Variants in YAP1 observed in about 807,000 individuals in gnomAD.
The protein encoded by YAP1 is Yes1 associated transcriptional regulator, also known as transcriptional coactivator YAP1.
In YAP1, 5 loss-of-function variants were observed where a neutral mutation model predicts 56.9. The ratio of observed to expected loss-of-function variants is 0.09; its 90% confidence interval spans 0.05 to 0.18. The LOEUF (loss-of-function observed/expected upper bound fraction) is 0.18, where lower values mean the gene tolerates loss of function less well. Ranked by LOEUF, YAP1 falls within the 10% of genes least tolerant of loss-of-function variation. YAP1 has a pLI of 1.00. For missense variants in YAP1, 539 were observed against 651.8 expected, an observed-to-expected ratio of 0.83 and a Z score of 1.88; for synonymous variants, 265 against 248.1, an observed-to-expected ratio of 1.07 and a Z score of -0.64.
chr11:102,192,067 G>C (rs1054029964), intron 4 of YAP1, among the ~76,000 whole-genome samples: 3 of 152,186 alleles, frequency 2.0e-5, no homozygotes, highest in African/African-American at 7.2e-5. Context: ...TTGCCTCACC[G>C]ATCTCAGCTT....
chr11:102,229,353 T>C (rs1179660967), intron 8 of YAP1, among the ~76,000 whole-genome samples: 1 of 152,196 alleles, frequency 6.6e-6, no homozygotes, highest in African/African-American at 2.4e-5. Flanking sequence ...TGGTGGTGCT[T>C]ATCTGGAAGA....
intron 2 of YAP1, among the ~76,000 whole-genome samples, chr11:102,144,888 T>A (rs200370360): frequency 0.023 from 3,137 of 135,270 alleles, 127 homozygotes; most frequent in African/African-American, 0.081. Flanking sequence ...ATACACACAC[T>A]CATGCTCACA....
At chr11:102,169,423 T>G (rs1946782393) in intron 3 of YAP1, among the ~76,000 whole-genome samples, 1 of 152,170 alleles carries the variant, frequency 6.6e-6, no homozygotes, top group Non-Finnish European at 1.5e-5. Context: ...AGTAGTTGGT[T>G]CCTGATTCTT....
intron 3 of YAP1, among the ~76,000 whole-genome samples, chr11:102,176,764 AAAAAAAAAAAAAG>A (rs1168321219): frequency 1.4e-4 from 21 of 147,754 alleles, no homozygotes; most frequent in South Asian, 8.6e-4. Flanking sequence ...AAAAAAAAAA[AAAAAAAAAAAAAG>A]AGTAGAATTT....
At chr11:102,119,810 ACT>A (rs1488435371) in intron 2 of YAP1, among the ~76,000 whole-genome samples, 1 of 152,116 alleles carries the variant, frequency 6.6e-6, no homozygotes. Flanking sequence ...GGGGAGGTAA[ACT>A]CTAAACTGTT....
chr11:102,110,493 A>C lies in YAP1; in HGVS notation c.-356A>C. On this transcript the variant is annotated 5_prime_UTR_variant, in exon 1 of 9. Transcript: ENST00000282441. ...CCAGGGAAAAGAAAGGGAGGAAGGA[A>C]GGAACAAGAAAAGGAAATAAAGAGA... 6.3e-6 allele frequency: 1 copy of C among 158,466 alleles called. No individual in the cohort carries two copies. The highest frequency in any genetic ancestry group is 1.4e-5 in the Non-Finnish European group (1 of 72,170). 9.8% of individuals were successfully genotyped at this position (158,466 alleles called of 1,614,324 possible). A position where few individuals can be genotyped will look rare whatever the true frequency, so the allele number is the denominator to read the frequency against.
At chr11:102,123,398 T>C (rs1175296166) in intron 2 of YAP1, among the ~76,000 whole-genome samples, 1 of 152,168 alleles carries the variant, frequency 6.6e-6, no homozygotes, top group East Asian at 1.9e-4. Flanking sequence ...GGGGAGTTTC[T>C]GAATCACTCT....
At chr11:102,121,913 T>C (rs909475435) in intron 2 of YAP1, among the ~76,000 whole-genome samples, 6 of 152,296 alleles carry the variant, frequency 3.9e-5, no homozygotes, top group African/African-American at 1.4e-4. Context: ...TCCTCCCACC[T>C]GAGCCTCCTG....
intron 2 of YAP1, among the ~76,000 whole-genome samples, chr11:102,124,331 T>TG (rs1326874662): frequency 6.6e-6 from 1 of 152,166 alleles, no homozygotes; most frequent in South Asian, 2.1e-4. Flanking sequence ...TTCTTTATAT[T>TG]GGGGGTCTGA....
In YAP1 at chr11:102,231,486, A is replaced by G. The variant is rs1485259329; in HGVS notation, c.*1546A>G. The G allele has an allele frequency of 6.6e-6, 1 of 152,636 alleles. No homozygotes were observed. The highest frequency in any genetic ancestry group is 1.5e-5 in the Non-Finnish European group (1 of 68,026). The allele number at this position is 152,636 out of a possible 1,614,324, so 9.5% of individuals were successfully genotyped here. A position where few individuals can be genotyped will look rare whatever the true frequency, so the allele number is the denominator to read the frequency against. On this transcript the variant is annotated 3_prime_UTR_variant, in exon 9 of 9. Transcript: ENST00000282441. ...AGCTGGAAAAGTGATCAGATTAATA[A>G]ATGTATATTGGTAGTTGAATTTAGC...
At chr11:102,122,054 A>G (rs1159925464) in intron 2 of YAP1, among the ~76,000 whole-genome samples, 1 of 152,160 alleles carries the variant, frequency 6.6e-6, no homozygotes, top group African/African-American at 2.4e-5. Context: ...GGCATGAACC[A>G]CCACACCTGG....
chr11:102,214,891 T>C (rs1436211600), intron 6 of YAP1, among the ~76,000 whole-genome samples: 1 of 152,216 alleles, frequency 6.6e-6, no homozygotes, highest in Non-Finnish European at 1.5e-5. Context: ...CCTAGGATAA[T>C]GCTAGGGAAC....
chr11:102,183,858 C>T (rs990802172), intron 3 of YAP1, among the ~76,000 whole-genome samples: 1 of 151,894 alleles, frequency 6.6e-6, no homozygotes, highest in East Asian at 1.9e-4. Context: ...GGGCGGATCA[C>T]GAGGTCAGGA....
At chr11:102,183,141 G>C (rs1400312762) in intron 3 of YAP1, among the ~76,000 whole-genome samples, 1 of 152,196 alleles carries the variant, frequency 6.6e-6, no homozygotes, top group Non-Finnish European at 1.5e-5. Context: ...ACTAATTTCT[G>C]TCTGAGGTAG....
rs549689969 is a variant in YAP1, at chr11:102,137,945, T to G, written c.572+23551T>G. ...CTCTGTCGCCCAGGCTGGCGTGTTG[T>G]GGTGCTATCTCAGCTCACTGCAGCC... On this transcript the variant is annotated intron_variant, in intron 2 of 8. Coordinates refer to ENST00000282441, the MANE Select transcript of YAP1 (RefSeq NM_001130145.3). Among the ~76,000 whole-genome samples the G allele has an allele frequency of 2.6e-5, 4 of 152,276 alleles. No homozygotes were observed. In the South Asian group the frequency reaches 8.3e-4, roughly 32 times the overall value.
At chr11:102,159,717 C>T (rs1946154288) in intron 2 of YAP1, among the ~76,000 whole-genome samples, 1 of 152,002 alleles carries the variant, frequency 6.6e-6, no homozygotes, top group Non-Finnish European at 1.5e-5. Flanking sequence ...TAAATCAGTC[C>T]CACTTTATTG....
intron 6 of YAP1, among the ~76,000 whole-genome samples, chr11:102,214,130 G>T (rs1018378612): frequency 6.6e-6 from 1 of 152,080 alleles, no homozygotes; most frequent in Non-Finnish European, 1.5e-5. Context: ...AAACAACACT[G>T]CTGTATAAAG....
chr11:102,205,156 T>TTC, intron 4 of YAP1, among the ~76,000 whole-genome samples: 2 of 28,106 alleles, frequency 7.1e-5, no homozygotes, highest in South Asian at 5.2e-3. Context: ...CAAAAAAAAA[T>TTC]TTTTTTTTTT....
intron 4 of YAP1, among the ~76,000 whole-genome samples, chr11:102,204,078 G>A (rs967741021): frequency 2.0e-5 from 3 of 151,908 alleles, no homozygotes; most frequent in African/African-American, 4.8e-5. Context: ...GTTCTGTCTC[G>A]GTGCTGTGCT....
Sources: gnomAD v4.1 joint callset for allele counts (sites outside exome capture counted in the v4.1 genomes callset) on GRCh38, gnomAD v4.1.1 for gene constraint, MANE v1.5 for transcripts, NCBI Gene and HGNC (gene_info 2026-07-23, HGNC 2026-07-21) for gene names.